The following BLK variants were observed in gnomAD, a reference collection of about 807,000 sequenced individuals.
BLK encodes tyrosine-protein kinase Blk.
Under a neutral mutation model 61.8 loss-of-function variants are expected in BLK, and 64 were observed. The observed-to-expected ratio is 1.03, with a 90% CI of 0.85 to 1.27. The LOEUF is 1.27. BLK is among the 50% of genes most tolerant of loss of function. The pLI, the probability that BLK is intolerant of heterozygous loss-of-function variation, is 0.00. For synonymous variants in BLK, 351 were observed against 272.0 expected, an observed-to-expected ratio of 1.29 and a Z score of -2.86; for missense variants, 853 against 660.5, an observed-to-expected ratio of 1.29 and a Z score of -3.19.
At chr8:11,537,984 C>A (rs1051196153) in intron 1 of BLK, among the ~76,000 whole-genome samples, 2 of 152,112 alleles carry the variant, frequency 1.3e-5, no homozygotes, top group African/African-American at 4.8e-5. Flanking sequence ...TCCCACTTCC[C>A]CTCCTCTTGC....
intron 1 of BLK, among the ~76,000 whole-genome samples, chr8:11,511,026 A>G (rs938593108): frequency 6.6e-6 from 1 of 152,190 alleles, no homozygotes; most frequent in African/African-American, 2.4e-5. Flanking sequence ...TGACACACAA[A>G]TATTTGTGGT....
At chr8:11,504,797 T>C (rs913954215) in intron 1 of BLK, among the ~76,000 whole-genome samples, 8 of 152,224 alleles carry the variant, frequency 5.3e-5, no homozygotes, top group Non-Finnish European at 1.0e-4. Context: ...ACCCTGGTGC[T>C]CTCCAGCATG....
intron 1 of BLK, among the ~76,000 whole-genome samples, chr8:11,520,014 A>G (rs1799377995): frequency 6.6e-6 from 1 of 152,246 alleles, no homozygotes. Flanking sequence ...ATTTTCATGT[A>G]AAGTTTTGAA....
At chr8:11,511,282 G>C (rs1055107064) in intron 1 of BLK, among the ~76,000 whole-genome samples, 1 of 152,088 alleles carries the variant, frequency 6.6e-6, no homozygotes, top group South Asian at 2.1e-4. Context: ...ATCACACACC[G>C]GGGCCTGTTG....
At chr8:11,502,723 G>A (rs1798612566) in intron 1 of BLK, among the ~76,000 whole-genome samples, 1 of 152,240 alleles carries the variant, frequency 6.6e-6, no homozygotes. Context: ...GAGGCCGAGT[G>A]TCTTGAGGCC....
At chr8:11,545,281 G>A (rs2117461913) in intron 2 of BLK, among the ~76,000 whole-genome samples, 1 of 152,322 alleles carries the variant, frequency 6.6e-6, no homozygotes, top group South Asian at 2.1e-4. Context: ...GGGCATGATG[G>A]CTCACGCCTG....
At chr8:11,524,650 A>AAGAT (rs1172038863) in intron 1 of BLK, among the ~76,000 whole-genome samples, 4 of 152,162 alleles carry the variant, frequency 2.6e-5, no homozygotes, top group Non-Finnish European at 5.9e-5. Flanking sequence ...AAATTAAGGG[A>AAGAT]AGATATGAGG....
At chr8:11,520,350 G>A (rs900037001) in intron 1 of BLK, among the ~76,000 whole-genome samples, 3 of 151,772 alleles carry the variant, frequency 2.0e-5, no homozygotes, top group Admixed American at 6.6e-5. Flanking sequence ...GGTGGTGCAT[G>A]CCTGTAGTCC....
intron 1 of BLK, among the ~76,000 whole-genome samples, chr8:11,536,856 C>G (rs1585377154): frequency 6.6e-6 from 1 of 152,196 alleles, no homozygotes; most frequent in Non-Finnish European, 1.5e-5. Flanking sequence ...AACACTTTAC[C>G]CAGGCCTCTC....
chr8:11,504,649 A>G (rs1241584570), intron 1 of BLK, among the ~76,000 whole-genome samples: 1 of 152,234 alleles, frequency 6.6e-6, no homozygotes, highest in African/African-American at 2.4e-5. Context: ...CTCAGGCTAC[A>G]TGGAGCATGT....
intron 1 of BLK, among the ~76,000 whole-genome samples, chr8:11,535,288 GAAA>G (rs751928849): frequency 7.1e-6 from 1 of 141,652 alleles, no homozygotes; most frequent in Admixed American, 7.0e-5. Flanking sequence ...AAGAAAGAAA[GAAA>G]GAAAGAAAGA....
chr8:11,554,864 C>G lies in BLK; in HGVS notation c.594C>G (p.Leu198=), dbSNP rs1351855742. ...CCCCCCGGATCACCTTCCCCTCGCT[C>G]CAGGCCCTGGTGCAGCACTATTCTA... ...YISPRITFPS[L]QALVQHYSKK... Residue 198 remains leucine, a synonymous_variant, in exon 7 of 13, where the codon CTC becomes CTG. Transcript: ENST00000259089. 6.2e-7 allele frequency: 1 copy of G among 1,613,796 alleles called. No homozygotes were observed. Among genetic ancestry groups the G allele is most frequent in the Non-Finnish European group, 8.5e-7 (1 of 1,180,016 alleles).
Position 11,528,205 on chromosome 8 carries a change from T to G in BLK, c.-1-15019T>G, listed in dbSNP as rs551933289. On this transcript the variant is annotated intron_variant, in intron 1 of 12. Transcript: ENST00000259089. Reference sequence around the variant, plus strand: ...GCACATGCCTCCATGCCTGGCTAATTTTTGTATTTTTTGTAGAGATGGAGT... The same window carrying G: ...GCACATGCCTCCATGCCTGGCTAATGTTTGTATTTTTTGTAGAGATGGAGT... 2.6e-5 allele frequency among the ~76,000 whole-genome samples: 4 copies of G among 152,168 alleles called. No homozygotes were observed. The South Asian group carries it at 8.3e-4, about 32-fold the overall frequency.
chr8:11,532,959 A>G (rs1485487193), intron 1 of BLK, among the ~76,000 whole-genome samples: 1 of 152,226 alleles, frequency 6.6e-6, no homozygotes, highest in African/African-American at 2.4e-5. Context: ...AGCCTCAAGG[A>G]GCCTGAGTTT....
At chr8:11,501,348 T>C (rs568428706) in intron 1 of BLK, among the ~76,000 whole-genome samples, 11 of 120,610 alleles carry the variant, frequency 9.1e-5, no homozygotes, top group Admixed American at 5.2e-4. Flanking sequence ...AAGGCTAAAC[T>C]CTCTCTCTTT....
intron 1 of BLK, among the ~76,000 whole-genome samples, chr8:11,524,739 G>A (rs140139261): frequency 3.3e-5 from 5 of 152,200 alleles, no homozygotes; most frequent in South Asian, 4.1e-4. Context: ...TGGGGTGTGC[G>A]GCAGAAGAAG....
chr8:11,527,722 A>C (rs775931791), intron 1 of BLK, among the ~76,000 whole-genome samples: 2 of 151,156 alleles, frequency 1.3e-5, no homozygotes, highest in Non-Finnish European at 2.9e-5. Context: ...TTGAGTCATG[A>C]GTTTTGAGTT....
In BLK at chr8:11,556,649, CG is replaced by C. The variant is rs762801786; in HGVS notation, c.773-6del. ...CTTCTGATTGGCTTCTTCACTCCCCCGGGCTCAGGTTACTACAAAAACAACA... is the reference window on the plus strand; with the variant it reads ...CTTCTGATTGGCTTCTTCACTCCCCCGGCTCAGGTTACTACAAAAACAACA... On this transcript the variant is annotated splice_polypyrimidine_tract_variant and splice_region_variant and intron_variant, in intron 8 of 12. Transcript: ENST00000259089. 1 of 1,614,080 alleles carries C rather than the reference CG, an allele frequency of 6.2e-7. No individual in the cohort carries two copies. The highest frequency in any genetic ancestry group is 8.5e-7 in the Non-Finnish European group (1 of 1,180,002).
intron 1 of BLK, among the ~76,000 whole-genome samples, chr8:11,497,919 T>G (rs942866228): frequency 6.6e-6 from 1 of 152,108 alleles, no homozygotes; most frequent in African/African-American, 2.4e-5. Flanking sequence ...GAGTGTGAAG[T>G]GGGAGCAGTT....
Sources: allele counts gnomAD v4.1 joint callset (sites outside exome capture counted in the v4.1 genomes callset), GRCh38; gene constraint gnomAD v4.1.1; transcripts MANE v1.5; gene names NCBI Gene and HGNC (gene_info 2026-07-23, HGNC 2026-07-21).